PLAGL1: variants seen among roughly 807,000 people sequenced by gnomAD.
PLAGL1 encodes zinc finger protein PLAGL1.
A neutral mutation model predicts 4.6 loss-of-function variants in PLAGL1; 1 was observed. The ratio of observed to expected loss-of-function variants is 0.22; its 90% CI spans 0.08 to 1.03. The LOEUF (loss-of-function observed/expected upper bound fraction) is 1.03. PLAGL1 is among the 50% of genes least tolerant of loss of function. The probability of loss-of-function intolerance (pLI) is 0.58; values close to 1 mark genes in which losing one functional copy is unlikely to be tolerated. For missense variants in PLAGL1, 464 were observed against 570.4 expected, an observed-to-expected ratio of 0.81 and a Z score of 1.90; for synonymous variants, 240 against 237.8, an observed-to-expected ratio of 1.01 and a Z score of -0.08.
chr6:144,044,390 T>C (rs769307762), intron 1 of PLAGL1, among the ~76,000 whole-genome samples: 2 of 152,216 alleles, frequency 1.3e-5, no homozygotes, highest in African/African-American at 2.4e-5. Context: ...TTTGTTCTCA[T>C]TGGTTTCAAA....
chr6:144,057,328 T>G (rs1160972774), intron 1 of PLAGL1, among the ~76,000 whole-genome samples: 1 of 152,248 alleles, frequency 6.6e-6, no homozygotes, highest in South Asian at 2.1e-4. Context: ...AGAAATGTAA[T>G]GCTTTTACTT....
intron 1 of PLAGL1, among the ~76,000 whole-genome samples, chr6:144,030,254 CAAAAAAAAA>C (rs66563676): frequency 4.0e-4 from 18 of 44,556 alleles, no homozygotes; most frequent in African/African-American, 1.0e-3. Flanking sequence ...GACTCCGTCT[CAAAAAAAAA>C]AAAAAAAAAA....
intron 1 of PLAGL1, among the ~76,000 whole-genome samples, chr6:144,033,151 T>C (rs997593031): frequency 6.6e-6 from 1 of 152,198 alleles, no homozygotes; most frequent in Non-Finnish European, 1.5e-5. Flanking sequence ...GTAAAGGTCA[T>C]ACCACAAGAA....
rs561954007 is a variant in PLAGL1 at position 144,023,312 on chromosome 6, G to A, written c.-151+41156C>T. On this transcript the variant is annotated intron_variant, in intron 1 of 3. Transcript: ENST00000437412. ...TGAAGCTATTGTGTATGATAACATA[G>A]TGGTGGATACATAACAATATGCATT... 1.4e-4 allele frequency among the ~76,000 whole-genome samples: 22 copies of A among 152,282 alleles called. No homozygotes were observed. The South Asian group carries it at 2.5e-3, about 17-fold the overall frequency.
rs1428576438 is a variant in PLAGL1, at chr6:143,989,793, C to A, written c.-583-4619G>T. ...TTCTAGAAACTGCCCAACAATTATG[C>A]AACATTTCCCTAATCTTTGGTCATT... On this transcript the variant is annotated intron_variant, in intron 1 of 7. Transcript: ENST00000674357. This position sits in a 1 kb window ranked among gnomAD's most constrained non-coding sequence, Gnocchi z 4.8. 6.6e-6 allele frequency among the ~76,000 whole-genome samples: 1 copy of A among 152,216 alleles called. No individual in the cohort carries two copies. Among genetic ancestry groups the A allele is most frequent in the South Asian group, 2.1e-4 (1 of 4,830 alleles).
At position 143,942,544 on chromosome 6, in the gene PLAGL1, A is replaced by G; in HGVS notation, c.272T>C (p.Phe91Ser). The G allele has an allele frequency of 6.2e-7, 1 of 1,613,984 alleles. No individual in the cohort carries two copies. The change falls in exon 8 of 8, where the codon TTT becomes TCT. Residue 91 changes from phenylalanine to serine, a missense_variant. By Grantham distance (155) the Phe-to-Ser change is radical. Coordinates refer to ENST00000674357, the MANE Select transcript of PLAGL1 (RefSeq NM_001317162.2). The surrounding 1 kb of genome is among the most constrained non-coding windows in gnomAD (Gnocchi z 7.6). ...LQTHDPNKMA[F>S]GCEECGKKYN... is the part of the protein sequence containing the mutation. ...CTTCTTCCCACACTCCTCACACCCA[A>G]AGGCCATTTTGTTGGGGTCGTGGGT...
rs746624620 is a variant in PLAGL1, at chr6:143,993,331, AACACACACACAC to A, written c.-583-8169_-583-8158del. On this transcript the variant is annotated intron_variant, in intron 1 of 7. Coordinates refer to ENST00000674357, the MANE Select transcript of PLAGL1 (RefSeq NM_001317162.2). Reference sequence around the variant, plus strand: ...AACAAAAAAACAAAAAACAAAACAAAACACACACACACACACACACACACACACACACACACA... The same window carrying A: ...AACAAAAAAACAAAAAACAAAACAAAACACACACACACACACACACACACA... Among the ~76,000 whole-genome samples the A allele has an allele frequency of 2.7e-3, 384 of 142,334 alleles. 2 individuals are homozygous for A. The highest frequency in any genetic ancestry group is 9.5e-3 in the African/African-American group (362 of 38,128). 93.4% of individuals were successfully genotyped at this position (142,334 alleles called of 152,430 possible). A position where few individuals can be genotyped will look rare whatever the true frequency, so the allele number is the denominator to read the frequency against.
At chr6:143,944,325 G>A (rs1583035700) in intron 7 of PLAGL1, among the ~76,000 whole-genome samples, 1 of 152,058 alleles carries the variant, frequency 6.6e-6, no homozygotes, top group South Asian at 2.1e-4. Flanking sequence ...AATAGCAGCC[G>A]TTGAGTGGAG....
At chr6:143,998,297 T>C (rs766177144) in intron 1 of PLAGL1, among the ~76,000 whole-genome samples, 1 of 152,254 alleles carries the variant, frequency 6.6e-6, no homozygotes, top group Non-Finnish European at 1.5e-5. Context: ...AGTGTGTGTT[T>C]TACCATAAAT....
At chr6:144,009,563 C>T (rs548997545), upstream of PLAGL1, among the ~76,000 whole-genome samples, 6 of 152,240 alleles carry the variant, frequency 3.9e-5, no homozygotes, top group African/African-American at 1.2e-4. Flanking sequence ...ATGTGCAGAA[C>T]GGGCAGGTTT....
intron 1 of PLAGL1, among the ~76,000 whole-genome samples, chr6:144,052,825 A>G (rs1412716923): frequency 6.6e-6 from 1 of 152,206 alleles, no homozygotes; most frequent in African/African-American, 2.4e-5. Flanking sequence ...AAGAAATTCT[A>G]TCAACAATGT....
chr6:144,054,604 G>A (rs985978855), intron 1 of PLAGL1, among the ~76,000 whole-genome samples: 8 of 152,112 alleles, frequency 5.3e-5, no homozygotes, highest in East Asian at 1.9e-4. Context: ...GTCAGGGGTC[G>A]GAGGCGAGGG....
intron 1 of PLAGL1, among the ~76,000 whole-genome samples, chr6:143,992,392 AT>A (rs1366041433): frequency 6.6e-6 from 1 of 152,228 alleles, no homozygotes; most frequent in Non-Finnish European, 1.5e-5. Context: ...TAAGCAAAAA[AT>A]AAACTGTTTT....
chr6:143,998,775 G>A (rs1455517725), intron 1 of PLAGL1, among the ~76,000 whole-genome samples: 1 of 152,068 alleles, frequency 6.6e-6, no homozygotes, highest in African/African-American at 2.4e-5. Context: ...AATTAGTTGG[G>A]GAGAAAACAT....
In PLAGL1 at chr6:144,036,643, T is replaced by A; in HGVS notation, c.-151+27825A>T. On this transcript the variant is annotated intron_variant, in intron 1 of 3. Coordinates refer to the PLAGL1 transcript ENST00000437412. This position sits in a 1 kb window ranked among gnomAD's most constrained non-coding sequence, Gnocchi z 5.1. ...ACATGTGTTTCTTATTCAGAATAGC[T>A]TTTTGTTTTGTTTGTTTTAACTTGT... is the stretch of plus-strand genomic sequence containing the variant. 4.9e-6 allele frequency: 1 copy of A among 204,608 alleles called. No individual in the cohort carries two copies. The highest frequency in any genetic ancestry group is 9.9e-6 in the Non-Finnish European group (1 of 101,130). The allele number at this position is 204,608 out of a possible 1,614,324, so 12.7% of individuals were successfully genotyped here. A position where few individuals can be genotyped will look rare whatever the true frequency, so the allele number is the denominator to read the frequency against.
chr6:143,946,004 T>C (rs917273774), intron 7 of PLAGL1, among the ~76,000 whole-genome samples: 5 of 152,082 alleles, frequency 3.3e-5, no homozygotes, highest in African/African-American at 1.2e-4. Context: ...AGACTTCTTT[T>C]TCAGCGCAGT....
rs1791188454 is a variant in PLAGL1 at position 143,994,339 on chromosome 6, CAT to C, written c.-583-9167_-583-9166del. On this transcript the variant is annotated intron_variant, in intron 1 of 7. Transcript: ENST00000674357. The surrounding 1 kb of genome is among the most constrained non-coding windows in gnomAD (Gnocchi z 4.3). Reference sequence around the variant, plus strand: ...GACTTCACAGTGCATGGGATGTCCACATGTTCTGCACTGTGTCATCTGAGAAT... The same window carrying C: ...GACTTCACAGTGCATGGGATGTCCACGTTCTGCACTGTGTCATCTGAGAAT... Among the ~76,000 whole-genome samples, 1 of 152,216 alleles carries C rather than the reference CAT, an allele frequency of 6.6e-6. No individual in the cohort carries two copies. The highest frequency in any genetic ancestry group is 2.4e-5 in the African/African-American group (1 of 41,456).
At position 143,970,702 on chromosome 6, in the gene PLAGL1, A is replaced by G. The variant is rs1785262131; in HGVS notation, c.-543-1724T>C. On this transcript the variant is annotated intron_variant, in intron 2 of 7. Coordinates refer to ENST00000674357, the MANE Select transcript of PLAGL1 (RefSeq NM_001317162.2). This position sits in a 1 kb window ranked among gnomAD's most constrained non-coding sequence, Gnocchi z 5.8. ...ACACATGTAAACACAGAGACATAAC[A>G]TATGTCCATCCCCAAACCTATTTTG... Among the ~76,000 whole-genome samples the G allele has an allele frequency of 1.3e-5, 2 of 152,216 alleles. No homozygotes were observed. Among genetic ancestry groups the G allele is most frequent in the African/African-American group, 4.8e-5 (2 of 41,468 alleles).
Position 143,953,138 on chromosome 6 carries a change from G to A in PLAGL1, c.-324-4678C>T, listed in dbSNP as rs377215809. The stretch of plus-strand genomic sequence containing the variant: ...CAAACTTCTACTTTTCTCTGTCACT[G>A]CCAGGCAGAGGCACGAGTTCCTCCT... On this transcript the variant is annotated intron_variant, in intron 6 of 7. Transcript: ENST00000674357. This position sits in a 1 kb window ranked among gnomAD's most constrained non-coding sequence, Gnocchi z 5.3. 1.3e-5 allele frequency among the ~76,000 whole-genome samples: 2 copies of A among 152,210 alleles called. No individual in the cohort carries two copies. The highest frequency in any genetic ancestry group is 4.8e-5 in the African/African-American group (2 of 41,452).
Sources: allele counts gnomAD v4.1 joint callset (sites outside exome capture counted in the v4.1 genomes callset), GRCh38; gene constraint gnomAD v4.1.1; non-coding constraint Gnocchi (gnomAD v3.1); transcripts MANE v1.5; gene names NCBI Gene and HGNC (gene_info 2026-07-23, HGNC 2026-07-21).